The following CPLX2 variants were observed in gnomAD, a reference collection of about 807,000 sequenced individuals.
The protein encoded by CPLX2 is complexin 2.
CPLX2 carries 5 observed loss-of-function variants against 16.3 expected under a neutral mutation model. The observed-to-expected ratio is 0.31, with a 90% CI of 0.16 to 0.64. The LOEUF (loss-of-function observed/expected upper bound fraction) is 0.64, where lower values mean the gene tolerates loss of function less well. CPLX2 is among the 30% of genes least tolerant of loss of function. The pLI is 0.79. For synonymous variants in CPLX2, 89 were observed against 73.2 expected (o/e 1.22, Z -1.10); for missense variants, 144 against 181.4 (o/e 0.79, Z 1.18).
intron 2 of CPLX2, among the ~76,000 whole-genome samples, chr5:175,820,969 G>C (rs538369450): frequency 6.6e-6 from 1 of 152,158 alleles, no homozygotes; most frequent in South Asian, 2.1e-4. Flanking sequence ...CCTGCTGCTG[G>C]GGATGGTGCG....
At chr5:175,841,955 T>G (rs981335065) in intron 2 of CPLX2, among the ~76,000 whole-genome samples, 3 of 152,246 alleles carry the variant, frequency 2.0e-5, no homozygotes, top group Non-Finnish European at 2.9e-5. Context: ...GACCCCACTC[T>G]CCTAGCACTC....
chr5:175,820,774 C>G (rs546996662), intron 2 of CPLX2, among the ~76,000 whole-genome samples: 1 of 152,328 alleles, frequency 6.6e-6, no homozygotes, highest in Non-Finnish European at 1.5e-5. Context: ...AGAGGCCCAC[C>G]AGCTCCCTCC....
chr5:175,811,321 C>A (rs187132045), intron 2 of CPLX2, among the ~76,000 whole-genome samples: 1 of 152,134 alleles, frequency 6.6e-6, no homozygotes, highest in African/African-American at 2.4e-5. Context: ...TGTCTCCAGG[C>A]CAGAAAGGAG....
At chr5:175,814,244 G>C (rs764911775) in intron 2 of CPLX2, among the ~76,000 whole-genome samples, 6 of 152,218 alleles carry the variant, frequency 3.9e-5, no homozygotes, top group Non-Finnish European at 8.8e-5. Flanking sequence ...CCCTGGGGAG[G>C]GCAAAGGAGG....
rs948688074 is a variant in CPLX2 at position 175,827,035 on chromosome 5, G to T, written c.-89+17967G>T. ...TGTCCAGGCCAGCTCTCGTCACAGG[G>T]TGGTTTCTGCTGCTCCAGACTTACA... On this transcript the variant is annotated intron_variant, in intron 2 of 4. Transcript: ENST00000359546. 1.4e-4 allele frequency among the ~76,000 whole-genome samples: 21 copies of T among 152,296 alleles called. No individual in the cohort carries two copies. In the East Asian group the frequency reaches 2.5e-3, roughly 18 times the overall value.
At chr5:175,802,908 T>C (rs548758863) in intron 1 of CPLX2, among the ~76,000 whole-genome samples, 189 of 152,200 alleles carry the variant, frequency 1.2e-3, no homozygotes, top group African/African-American at 4.3e-3. Context: ...CTTGGTTCAC[T>C]GCAACATCCA....
chr5:175,816,071 C>T (rs963868362), intron 2 of CPLX2, among the ~76,000 whole-genome samples: 1 of 152,194 alleles, frequency 6.6e-6, no homozygotes, highest in African/African-American at 2.4e-5. Flanking sequence ...GTGGAGCCAG[C>T]AGCTCTCCAG....
intron 1 of CPLX2, among the ~76,000 whole-genome samples, chr5:175,806,842 G>C (rs1758214855): frequency 6.6e-6 from 1 of 152,212 alleles, no homozygotes; most frequent in Admixed American, 6.5e-5. Context: ...TAAGACAAGA[G>C]ACCTTGGCAG....
At chr5:175,878,592 G>C in intron 1 of CPLX2, 60 bp from the exon 2 acceptor site, 1 of 867,334 alleles carries the variant, frequency 1.2e-6, no homozygotes, top group Non-Finnish European at 1.8e-6. Context: ...TGTCTGCCTA[G>C]CTCCCCCGCC....
At chr5:175,820,476 C>T (rs1478578908) in intron 2 of CPLX2, among the ~76,000 whole-genome samples, 1 of 152,206 alleles carries the variant, frequency 6.6e-6, no homozygotes, top group African/African-American at 2.4e-5. Context: ...CCAGGCATGG[C>T]ATTCCCTCCC....
intron 2 of CPLX2, among the ~76,000 whole-genome samples, chr5:175,810,108 ATCACAGGGCAGGGACAG>A (rs1316389767): frequency 2.6e-5 from 4 of 152,214 alleles, no homozygotes; most frequent in Non-Finnish European, 5.9e-5. Flanking sequence ...GGGGCCTCCC[ATCACAGGGCAGGGACAG>A]AAGGGAACAT....
chr5:175,868,388 T>C (rs1031547058), upstream of CPLX2, among the ~76,000 whole-genome samples: 4 of 152,232 alleles, frequency 2.6e-5, no homozygotes, highest in Non-Finnish European at 5.9e-5. Context: ...CTTGATTGGC[T>C]TCCTACTGAA....
chr5:175,826,094 G>A (rs1758609938), intron 2 of CPLX2, among the ~76,000 whole-genome samples: 1 of 152,092 alleles, frequency 6.6e-6, no homozygotes, highest in South Asian at 2.1e-4. Flanking sequence ...TGGGAGCACT[G>A]ACTAGCGGCA....
intron 2 of CPLX2, among the ~76,000 whole-genome samples, chr5:175,829,504 C>T (rs147139234): frequency 6.6e-5 from 10 of 152,280 alleles, no homozygotes; most frequent in South Asian, 4.1e-4. Context: ...AGGTGGGCCT[C>T]GAGCTCCACC....
At chr5:175,820,898 A>G (rs181998442) in intron 2 of CPLX2, among the ~76,000 whole-genome samples, 222 of 152,328 alleles carry the variant, frequency 1.5e-3, no homozygotes, top group African/African-American at 5.0e-3. Context: ...GGAGAAAGCT[A>G]TAACAGAGAG....
chr5:175,801,279 C>G (rs995754222), intron 1 of CPLX2, among the ~76,000 whole-genome samples: 3 of 152,078 alleles, frequency 2.0e-5, no homozygotes, highest in Admixed American at 2.0e-4. Flanking sequence ...GCCTCTCCCA[C>G]CTGGAGGAGG....
chr5:175,819,851 G>A (rs1758474580), intron 2 of CPLX2, among the ~76,000 whole-genome samples: 1 of 152,254 alleles, frequency 6.6e-6, no homozygotes, highest in African/African-American at 2.4e-5. Context: ...GGACAGCTGG[G>A]ATGTTCTCAG....
rs572345497 is a variant in CPLX2 at position 175,819,114 on chromosome 5, C to A, written c.-89+10046C>A. 2.0e-5 allele frequency among the ~76,000 whole-genome samples: 3 copies of A among 152,232 alleles called. No individual in the cohort carries two copies. In the South Asian group the frequency reaches 6.2e-4, roughly 32 times the overall value. ...TTCTCATTGCTGGAGTAAATCTCAT[C>A]GTGGGACTAGACCAAAATGCAGTTC... On this transcript the variant is annotated intron_variant, in intron 2 of 4. Transcript: ENST00000359546.
rs985190595 is a variant in CPLX2, at chr5:175,830,940, C to T, written c.-89+21872C>T. Among the ~76,000 whole-genome samples the T allele has an allele frequency of 1.3e-5, 2 of 152,180 alleles. No individual in the cohort carries two copies. Among genetic ancestry groups the T allele is most frequent in the South Asian group, 2.1e-4 (1 of 4,828 alleles). On this transcript the variant is annotated intron_variant, in intron 2 of 4. Coordinates refer to the CPLX2 transcript ENST00000359546. The surrounding 1 kb of genome is among the most constrained non-coding windows in gnomAD (Gnocchi z 4.0). ...AGCCCAAGGGAAACGTGCGTGTGTTCGTGCTCACACAGTTGTGTCAGTGCG... is the reference window on the plus strand; with the variant it reads ...AGCCCAAGGGAAACGTGCGTGTGTTTGTGCTCACACAGTTGTGTCAGTGCG...
Sources: allele counts gnomAD v4.1 joint callset (sites outside exome capture counted in the v4.1 genomes callset), GRCh38; gene constraint gnomAD v4.1.1; non-coding constraint Gnocchi (gnomAD v3.1); transcripts MANE v1.5; gene names NCBI Gene and HGNC (gene_info 2026-07-23, HGNC 2026-07-21).